The following NOL4 variants were observed in gnomAD, a reference collection of about 807,000 sequenced individuals.
NOL4 encodes the protein cancer/testis antigen 125.
A neutral mutation model predicts 75.9 loss-of-function variants in NOL4; 17 were observed. The ratio of observed to expected loss-of-function variants is 0.22; its 90% CI spans 0.15 to 0.34. The LOEUF (loss-of-function observed/expected upper bound fraction) is 0.34, where lower values mean the gene tolerates loss of function less well. NOL4 is among the 10% of genes least tolerant of loss of function. NOL4 has a pLI of 1.00. For missense variants in NOL4, 614 were observed against 793.5 expected, an observed-to-expected ratio of 0.77 and a Z score of 2.72; for synonymous variants, 292 against 289.9, an observed-to-expected ratio of 1.01 and a Z score of -0.07.
intron 5 of NOL4, among the ~76,000 whole-genome samples, chr18:34,024,854 C>T (rs1418888655): frequency 6.6e-6 from 1 of 152,078 alleles, no homozygotes; most frequent in African/African-American, 2.4e-5. Context: ...GCACTAAAAC[C>T]TCTAACACAA....
chr18:33,969,856 A>G (rs529534963), intron 6 of NOL4, among the ~76,000 whole-genome samples: 1 of 152,278 alleles, frequency 6.6e-6, no homozygotes, highest in African/African-American at 2.4e-5. Flanking sequence ...TGCCAATGAA[A>G]ATCTCTTCCG....
intron 8 of NOL4, among the ~76,000 whole-genome samples, chr18:33,955,735 T>C (rs755221873): frequency 2.7e-4 from 41 of 152,144 alleles, no homozygotes; most frequent in Non-Finnish European, 4.9e-4. Context: ...TTTTCTGTCA[T>C]GGACATTTAG....
chr18:34,025,970 T>C (rs948258201), intron 5 of NOL4, among the ~76,000 whole-genome samples: 11 of 152,276 alleles, frequency 7.2e-5, no homozygotes, highest in African/African-American at 2.6e-4. Context: ...GGACTACTCA[T>C]TGATGTAGCT....
chr18:34,082,993 C>T lies in NOL4; in HGVS notation c.772+10472G>A, dbSNP rs745951179. Among the ~76,000 whole-genome samples, 35 of 152,052 alleles carry T rather than the reference C, an allele frequency of 2.3e-4. 1 individual carries two copies. The highest frequency in any genetic ancestry group is 5.0e-4 in the Non-Finnish European group (34 of 68,000). On this transcript the variant is annotated intron_variant, in intron 5 of 10. Transcript: ENST00000261592. ...ACAATGCAGTGGTTGAAGGAAATCCCAAGAAATACTCCAGTACCTCAAAAC... is the reference window on the plus strand; with the variant it reads ...ACAATGCAGTGGTTGAAGGAAATCCTAAGAAATACTCCAGTACCTCAAAAC...
At chr18:34,068,213 C>T (rs1277576775) in intron 5 of NOL4, among the ~76,000 whole-genome samples, 1 of 151,866 alleles carries the variant, frequency 6.6e-6, no homozygotes, top group African/African-American at 2.4e-5. Context: ...GGAAATCAGC[C>T]AAGACTAGGT....
At chr18:34,105,228 C>T in intron 2 of NOL4, 68 bp from the exon 3 acceptor site, 1 of 1,037,296 alleles carries the variant, frequency 9.6e-7, no homozygotes, top group Non-Finnish European at 1.5e-6. Flanking sequence ...CAGAAATGAT[C>T]ATTGTATTTC....
At chr18:34,216,028 T>A (rs2036863480) in intron 1 of NOL4, among the ~76,000 whole-genome samples, 1 of 152,146 alleles carries the variant, frequency 6.6e-6, no homozygotes, top group African/African-American at 2.4e-5. Flanking sequence ...TTGAAAAAAA[T>A]CCACATACAA....
rs2079812090 is a variant in NOL4, at chr18:34,115,511, T to C, written c.415-10351A>G. Among the ~76,000 whole-genome samples, 3 of 132,258 alleles carry C rather than the reference T, an allele frequency of 2.3e-5. No homozygotes were observed. In the South Asian group the frequency reaches 8.4e-4, roughly 37 times the overall value. 86.8% of individuals were successfully genotyped at this position (132,258 alleles called of 152,430 possible). On this transcript the variant is annotated intron_variant, in intron 2 of 10. Coordinates refer to ENST00000261592, the MANE Select transcript of NOL4 (RefSeq NM_003787.5). ...CCCCTCCCCCTTAGCACATGCACAG[T>C]GGGGAAAAGATAAGCAACATGGAAT... is the stretch of plus-strand genomic sequence containing the variant.
At chr18:33,906,675 T>A (rs1245682365) in intron 9 of NOL4, among the ~76,000 whole-genome samples, 1 of 152,184 alleles carries the variant, frequency 6.6e-6, no homozygotes, top group African/African-American at 2.4e-5. Flanking sequence ...GAATAACAAA[T>A]TAATTTTTTT....
chr18:34,113,219 A>G (rs915207781), intron 2 of NOL4, among the ~76,000 whole-genome samples: 2 of 152,112 alleles, frequency 1.3e-5, no homozygotes, highest in African/African-American at 4.8e-5. Flanking sequence ...GCCTCCAGCA[A>G]TCCTCCCATC....
At chr18:34,096,004 T>G (rs2078761529) in intron 4 of NOL4, among the ~76,000 whole-genome samples, 1 of 152,008 alleles carries the variant, frequency 6.6e-6, no homozygotes, top group East Asian at 1.9e-4. Flanking sequence ...AAAGAAGAGC[T>G]AAATATAAAT....
At chr18:33,891,451 T>C (rs761448316) in intron 9 of NOL4, among the ~76,000 whole-genome samples, 5 of 152,174 alleles carry the variant, frequency 3.3e-5, no homozygotes, top group Admixed American at 2.6e-4. Context: ...CTTGTAGCTA[T>C]GGAAACTCTG....
At chr18:34,086,123 TAG>T (rs2078230476) in intron 5 of NOL4, among the ~76,000 whole-genome samples, 1 of 152,142 alleles carries the variant, frequency 6.6e-6, no homozygotes, top group Non-Finnish European at 1.5e-5. Context: ...TCATGTGAAT[TAG>T]GTTTAATAAT....
chr18:34,021,211 C>G (rs1044026810), intron 5 of NOL4, among the ~76,000 whole-genome samples: 4 of 152,108 alleles, frequency 2.6e-5, no homozygotes, highest in Non-Finnish European at 5.9e-5. Context: ...AACAAACATG[C>G]TATTAAAATG....
At chr18:34,216,093 G>C (rs1417158738) in intron 1 of NOL4, among the ~76,000 whole-genome samples, 9 of 152,144 alleles carry the variant, frequency 5.9e-5, no homozygotes, top group Non-Finnish European at 1.2e-4. Flanking sequence ...TACAGATTTA[G>C]ACTTCAGAAG....
At chr18:34,070,079 T>G (rs1157217512) in intron 5 of NOL4, among the ~76,000 whole-genome samples, 1 of 152,244 alleles carries the variant, frequency 6.6e-6, no homozygotes, top group Admixed American at 6.5e-5. Flanking sequence ...TCGCCCAGGC[T>G]GGAGTGCATT....
chr18:34,167,613 A>G (rs1219651817), intron 1 of NOL4, among the ~76,000 whole-genome samples: 1 of 151,940 alleles, frequency 6.6e-6, no homozygotes, highest in Non-Finnish European at 1.5e-5. Context: ...AAACAACCAC[A>G]TTTTAAATGT....
chr18:33,947,933 CTCT>C (rs1244080050), intron 8 of NOL4, among the ~76,000 whole-genome samples: 1 of 151,826 alleles, frequency 6.6e-6, no homozygotes, highest in Non-Finnish European at 1.5e-5. Context: ...GTAAATGTGT[CTCT>C]TCTTATATAT....
intron 9 of NOL4, among the ~76,000 whole-genome samples, chr18:33,934,212 G>T (rs1199135312): frequency 1.3e-5 from 2 of 152,072 alleles, no homozygotes; most frequent in Admixed American, 6.6e-5. Flanking sequence ...AGTTAACCAT[G>T]CTCTAAACAG....
Sources: gnomAD v4.1 joint callset for allele counts (sites outside exome capture counted in the v4.1 genomes callset) on GRCh38, gnomAD v4.1.1 for gene constraint, MANE v1.5 for transcripts, NCBI Gene and HGNC (gene_info 2026-07-23, HGNC 2026-07-21) for gene names.